Variants in STIM1 observed in about 807,000 individuals in gnomAD.
STIM1 encodes the protein stromal interaction molecule 1.
STIM1 carries 25 observed loss-of-function variants against 74.7 expected under a neutral mutation model. The observed-to-expected ratio is 0.33, with a 90% confidence interval of 0.24 to 0.47. The LOEUF (loss-of-function observed/expected upper bound fraction) is 0.47, where lower values mean the gene tolerates loss of function less well. Among genes scored for constraint, STIM1 ranks in the 20% least tolerant of loss-of-function variants. STIM1 has a pLI of 1.00. For missense variants in STIM1, 728 were observed against 920.8 expected (o/e 0.79, Z 2.71); for synonymous variants, 328 against 348.8 (o/e 0.94, Z 0.66).
intron 5 of STIM1, among the ~76,000 whole-genome samples, chr11:4,066,609 C>T (rs1006788172): frequency 1.1e-4 from 17 of 152,042 alleles, no homozygotes; most frequent in African/African-American, 4.1e-4. Context: ...CTTTGGGAGG[C>T]TGAGGTAGGA....
intron 2 of STIM1, among the ~76,000 whole-genome samples, chr11:4,001,525 C>G (rs567840589): frequency 2.8e-4 from 43 of 152,280 alleles, no homozygotes; most frequent in Admixed American, 2.5e-3. Flanking sequence ...ACTTTACAGA[C>G]AAGCAAATGC....
At chr11:3,914,350 T>C (rs2092610381) in intron 1 of STIM1, among the ~76,000 whole-genome samples, 1 of 152,158 alleles carries the variant, frequency 6.6e-6, no homozygotes, top group Non-Finnish European at 1.5e-5. Flanking sequence ...TATATATACA[T>C]ACCACAATTT....
chr11:3,972,709 A>G (rs1359931810), intron 2 of STIM1, among the ~76,000 whole-genome samples: 3 of 152,118 alleles, frequency 2.0e-5, no homozygotes, highest in Admixed American at 1.3e-4. Context: ...CCCTGCCACC[A>G]CTGTGCTTGG....
At chr11:4,081,164 G>A (rs2094463517) in intron 7 of STIM1, among the ~76,000 whole-genome samples, 1 of 152,170 alleles carries the variant, frequency 6.6e-6, no homozygotes, top group Admixed American at 6.5e-5. Context: ...GCTGAAGCTG[G>A]GGATAATAAG....
In STIM1 at chr11:4,005,783, A is replaced by C. The variant is rs541640996; in HGVS notation, c.271-18090A>C. Among the ~76,000 whole-genome samples, 25 of 152,280 alleles carry C rather than the reference A, an allele frequency of 1.6e-4. No individual in the cohort carries two copies. In the Middle Eastern group the frequency reaches 0.01, roughly 62 times the overall value. On this transcript the variant is annotated intron_variant, in intron 2 of 12. Transcript: ENST00000526596. The stretch of plus-strand genomic sequence containing the variant: ...TCTAATATGGTAGATAGACTGACAG[A>C]AAAGAGACTAGACGTACAAAGATAA...
chr11:4,011,291 C>G (rs1054328264), intron 2 of STIM1, among the ~76,000 whole-genome samples: 1 of 152,126 alleles, frequency 6.6e-6, no homozygotes, highest in African/African-American at 2.4e-5. Context: ...GAGAAATCAC[C>G]ACACTGTCTT....
intron 1 of STIM1, chr11:3,888,060 G>C (rs1459899114): frequency 6.6e-6 from 1 of 152,062 alleles, no homozygotes; most frequent in African/African-American, 2.4e-5. Context: ...ACTGCAGAAG[G>C]CTCTTCCCTG....
chr11:4,073,949 T>C (rs972934975), intron 6 of STIM1, among the ~76,000 whole-genome samples: 3 of 152,156 alleles, frequency 2.0e-5, no homozygotes, highest in African/African-American at 7.2e-5. Flanking sequence ...ACCCCTCTGC[T>C]ACCACCCCAG....
At chr11:4,050,383 A>T (rs920518503) in intron 3 of STIM1, among the ~76,000 whole-genome samples, 2 of 152,210 alleles carry the variant, frequency 1.3e-5, no homozygotes, top group Non-Finnish European at 2.9e-5. Context: ...TTATAGTGCT[A>T]TCAGATAGAT....
intron 1 of STIM1, among the ~76,000 whole-genome samples, chr11:3,919,514 GT>G (rs926967119): frequency 8.0e-5 from 12 of 149,440 alleles, no homozygotes; most frequent in African/African-American, 1.2e-4. Context: ...CTGAAACTGA[GT>G]TTTTTTTTTA....
In STIM1 at chr11:3,856,106, T is replaced by C; in HGVS notation, c.-165T>C. 1 of 839,084 alleles carries C rather than the reference T, an allele frequency of 1.2e-6. No homozygotes were observed. Among genetic ancestry groups the C allele is most frequent in the East Asian group, 2.6e-5 (1 of 38,464 alleles). 52.0% of individuals were successfully genotyped at this position (839,084 alleles called of 1,614,324 possible). A position where few individuals can be genotyped will look rare whatever the true frequency, so the allele number is the denominator to read the frequency against. ...CTCCCGCACCCAAACTTGGAGCACT[T>C]GACCTTTGGCTGTTGGAGGGGGCAG... On this transcript the variant is annotated 5_prime_UTR_variant, in exon 1 of 13. Transcript: ENST00000526596.
At chr11:4,001,048 A>G (rs1176439609) in intron 2 of STIM1, among the ~76,000 whole-genome samples, 1 of 152,234 alleles carries the variant, frequency 6.6e-6, no homozygotes, top group African/African-American at 2.4e-5. Flanking sequence ...AAAGAATAAA[A>G]AGAAACGAAC....
chr11:3,875,764 C>G (rs2091289362), intron 1 of STIM1, among the ~76,000 whole-genome samples: 1 of 150,510 alleles, frequency 6.6e-6, no homozygotes. Context: ...ACAAAAAAAT[C>G]AAACCAACAA....
At chr11:3,866,573 C>T (rs1276673779) in intron 1 of STIM1, among the ~76,000 whole-genome samples, 5 of 152,046 alleles carry the variant, frequency 3.3e-5, no homozygotes, top group Admixed American at 1.3e-4. Flanking sequence ...ATTACAGGTG[C>T]GTGCCACCAT....
chr11:4,077,243 G>A (rs1696204612), intron 7 of STIM1, among the ~76,000 whole-genome samples: 1 of 151,680 alleles, frequency 6.6e-6, no homozygotes, highest in Non-Finnish European at 1.5e-5. Context: ...TAATATAAAT[G>A]TAATATTTAC....
intron 1 of STIM1, among the ~76,000 whole-genome samples, chr11:3,932,237 C>G (rs1405471974): frequency 6.6e-6 from 1 of 152,220 alleles, no homozygotes; most frequent in Admixed American, 6.5e-5. Context: ...TAGGTCTCTT[C>G]TTTGGCCTCT....
intron 2 of STIM1, among the ~76,000 whole-genome samples, chr11:4,007,691 C>T (rs1401686054): frequency 6.6e-6 from 1 of 152,160 alleles, no homozygotes; most frequent in Non-Finnish European, 1.5e-5. Flanking sequence ...ATAATAATCT[C>T]AATTAATATC....
chr11:3,907,406 A>C (rs969807590), intron 1 of STIM1, among the ~76,000 whole-genome samples: 2 of 152,202 alleles, frequency 1.3e-5, no homozygotes, highest in African/African-American at 4.8e-5. Context: ...AGGCATTTTA[A>C]ATTTAACAAG....
intron 1 of STIM1, among the ~76,000 whole-genome samples, chr11:3,916,384 T>A (rs545147818): frequency 5.3e-5 from 8 of 151,920 alleles, no homozygotes; most frequent in Middle Eastern, 3.4e-3. Context: ...GCCACCTGGG[T>A]TCAAGCGATT....
Sources: gnomAD v4.1 joint callset for allele counts (sites outside exome capture counted in the v4.1 genomes callset) on GRCh38, gnomAD v4.1.1 for gene constraint, MANE v1.5 for transcripts, NCBI Gene and HGNC (gene_info 2026-07-23, HGNC 2026-07-21) for gene names.